SHISA9: variants seen among roughly 807,000 people sequenced by gnomAD.
The protein encoded by SHISA9 is shisa family member 9.
A neutral mutation model predicts 38.0 loss-of-function variants in SHISA9; 13 were observed. That is an observed-to-expected ratio of 0.34 (90% CI 0.22 to 0.54). SHISA9 has a LOEUF of 0.54. Ranked by LOEUF, SHISA9 falls within the 20% of genes least tolerant of loss-of-function variation. SHISA9 has a pLI of 0.91. For synonymous variants in SHISA9, 275 were observed against 242.0 expected (o/e 1.14, Z -1.27); for missense variants, 538 against 575.8 (o/e 0.93, Z 0.67).
At chr16:13,008,622 C>G (rs1237501695) in intron 2 of SHISA9, among the ~76,000 whole-genome samples, 1 of 145,174 alleles carries the variant, frequency 6.9e-6, no homozygotes, top group Admixed American at 6.9e-5. Context: ...CTCTCTCCTT[C>G]TCTCCCTCTC....
chr16:13,173,752 G>A (rs1299029624), intron 2 of SHISA9, among the ~76,000 whole-genome samples: 1 of 152,108 alleles, frequency 6.6e-6, no homozygotes, highest in Non-Finnish European at 1.5e-5. Context: ...GAGGTCTAAT[G>A]GAGAAGACAA....
chr16:12,957,977 C>T (rs1210470136), intron 2 of SHISA9, among the ~76,000 whole-genome samples: 1 of 152,214 alleles, frequency 6.6e-6, no homozygotes, highest in African/African-American at 2.4e-5. Flanking sequence ...CAAGATTCCA[C>T]CTCCAAATAC....
the SHISA9 span, among the ~76,000 whole-genome samples, chr16:13,445,878 C>T: frequency 6.6e-6 from 1 of 152,160 alleles, no homozygotes; most frequent in Non-Finnish European, 1.5e-5. Context: ...AATAACATTA[C>T]CTCCAAGACT....
chr16:13,116,694 T>G (rs546291585), intron 2 of SHISA9, among the ~76,000 whole-genome samples: 1 of 152,182 alleles, frequency 6.6e-6, no homozygotes, highest in South Asian at 2.1e-4. Context: ...GGGTTCCAAT[T>G]GCTAATCTAG....
intron 4 of SHISA9, among the ~76,000 whole-genome samples, chr16:13,217,528 C>G (rs1008831892): frequency 6.6e-6 from 1 of 152,166 alleles, no homozygotes; most frequent in Non-Finnish European, 1.5e-5. Context: ...CCTTTCCAAG[C>G]TACATACATG....
At chr16:13,170,988 A>G (rs2142021091) in intron 2 of SHISA9, among the ~76,000 whole-genome samples, 1 of 152,332 alleles carries the variant, frequency 6.6e-6, no homozygotes, top group African/African-American at 2.4e-5. Flanking sequence ...AAATAAAAAA[A>G]GAAAAAGAAA....
At chr16:13,019,884 C>CTCCTTCCT in intron 2 of SHISA9, among the ~76,000 whole-genome samples, 1 of 20,918 alleles carries the variant, frequency 4.8e-5, no homozygotes, top group East Asian at 1.6e-3. Flanking sequence ...CCCTCCCTCC[C>CTCCTTCCT]TTCTTTCTTT....
chr16:13,080,109 C>T (rs1296396009), intron 2 of SHISA9, among the ~76,000 whole-genome samples: 1 of 152,172 alleles, frequency 6.6e-6, no homozygotes, highest in South Asian at 2.1e-4. Context: ...CGAAGTGGCT[C>T]ACGCCTGTAA....
the SHISA9 span, among the ~76,000 whole-genome samples, chr16:13,356,185 G>A: frequency 6.6e-6 from 1 of 152,208 alleles, no homozygotes; most frequent in East Asian, 1.9e-4. Flanking sequence ...CTGAAGGTGA[G>A]GTTAATTAAA....
chr16:13,330,934 T>C, the SHISA9 span, among the ~76,000 whole-genome samples: 2 of 152,178 alleles, frequency 1.3e-5, no homozygotes, highest in African/African-American at 4.8e-5. Context: ...CTCCCTGGCC[T>C]CATCCCTCTA....
the SHISA9 span, among the ~76,000 whole-genome samples, chr16:13,312,684 A>G: frequency 6.6e-6 from 1 of 152,196 alleles, no homozygotes; most frequent in East Asian, 1.9e-4. Flanking sequence ...GCTTCTTAAA[A>G]TACAACCTAA....
chr16:13,055,261 C>G (rs1223527702), intron 2 of SHISA9, among the ~76,000 whole-genome samples: 1 of 152,156 alleles, frequency 6.6e-6, no homozygotes, highest in East Asian at 1.9e-4. Context: ...CAAGACCATG[C>G]TTCAGGTAAA....
At position 13,236,653 on chromosome 16, in the gene SHISA9, G is replaced by A. The variant is rs930442668; in HGVS notation, c.*1244G>A. 4 of 152,206 alleles carry A rather than the reference G, an allele frequency of 2.6e-5. No homozygotes were observed. Among genetic ancestry groups the A allele is most frequent in the African/African-American group, 7.2e-5 (3 of 41,424 alleles). 9.4% of individuals were successfully genotyped at this position (152,206 alleles called of 1,614,324 possible). A position where few individuals can be genotyped will look rare whatever the true frequency, so the allele number is the denominator to read the frequency against. The stretch of plus-strand genomic sequence containing the variant: ...TCCTTCCTCTTCTTTTTCTGCAGTA[G>A]TAGAAGATGTTTCCATCCTTCCTTT... On this transcript the variant is annotated 3_prime_UTR_variant, in exon 5 of 5. Transcript: ENST00000558583.
chr16:13,380,772 T>C, the SHISA9 span, among the ~76,000 whole-genome samples: 118,281 of 151,134 alleles, frequency 0.78, 46,481 homozygotes, highest in East Asian at 0.96. Flanking sequence ...GCTGCACCCA[T>C]CAACCCTTCA....
At chr16:13,250,582 A>G in the SHISA9 span, among the ~76,000 whole-genome samples, 1 of 152,068 alleles carries the variant, frequency 6.6e-6, no homozygotes, top group Non-Finnish European at 1.5e-5. Context: ...TTGGTCAGGA[A>G]CTCTGCCTTC....
chr16:13,127,302 G>C (rs556518420), intron 2 of SHISA9, among the ~76,000 whole-genome samples: 4 of 144,058 alleles, frequency 2.8e-5, no homozygotes, highest in African/African-American at 5.2e-5. Context: ...GAGGGAGAGA[G>C]AGAGAGTGAG....
intron 2 of SHISA9, among the ~76,000 whole-genome samples, chr16:13,074,288 CA>C (rs1293093726): frequency 1.3e-5 from 2 of 151,846 alleles, no homozygotes; most frequent in Admixed American, 1.3e-4. Context: ...TGTTTTAAAG[CA>C]CACAGTTTGT....
intron 2 of SHISA9, among the ~76,000 whole-genome samples, chr16:12,924,029 T>C (rs564845124): frequency 1.3e-5 from 2 of 150,742 alleles, no homozygotes; most frequent in South Asian, 4.2e-4. Flanking sequence ...GAGAAAAGCA[T>C]CTTTTCTTAG....
intron 2 of SHISA9, among the ~76,000 whole-genome samples, chr16:13,134,624 C>T (rs1057484304): frequency 2.6e-5 from 4 of 151,850 alleles, no homozygotes; most frequent in African/African-American, 7.3e-5. Flanking sequence ...TGGTGGGAGA[C>T]GAGGCTGGAG....
Sources: allele counts gnomAD v4.1 joint callset (sites outside exome capture counted in the v4.1 genomes callset), GRCh38; gene constraint gnomAD v4.1.1; transcripts MANE v1.5; gene names NCBI Gene and HGNC (gene_info 2026-07-23, HGNC 2026-07-21).